Variants in PTPRD observed in about 807,000 individuals in gnomAD.
PTPRD encodes receptor-type tyrosine-protein phosphatase delta.
A neutral mutation model predicts 214.5 loss-of-function variants in PTPRD; 34 were observed. The ratio of observed to expected loss-of-function variants is 0.16; its 90% CI spans 0.12 to 0.21. PTPRD has a LOEUF of 0.21. Among genes scored for constraint, PTPRD ranks in the 10% least tolerant of loss-of-function variants. The pLI is 1.00. For missense variants in PTPRD, 2,545 were observed against 2,398.7 expected (o/e 1.06, Z -1.27); for synonymous variants, 1,128 against 845.7 (o/e 1.33, Z -5.79).
At chr9:10,034,661 T>G (rs1264459328) in intron 3 of PTPRD, among the ~76,000 whole-genome samples, 3 of 152,102 alleles carry the variant, frequency 2.0e-5, no homozygotes, top group Non-Finnish European at 4.4e-5. Context: ...CACTTATAAG[T>G]GAGAACATGC....
intron 7 of PTPRD, among the ~76,000 whole-genome samples, chr9:9,724,592 G>A (rs1295070873): frequency 6.6e-6 from 1 of 152,158 alleles, no homozygotes; most frequent in Non-Finnish European, 1.5e-5. Flanking sequence ...TTAAGTGGAT[G>A]AAAGAAGGTC....
chr9:8,429,348 T>C (rs1001167015), intron 35 of PTPRD, among the ~76,000 whole-genome samples: 2 of 152,192 alleles, frequency 1.3e-5, no homozygotes, highest in African/African-American at 4.8e-5. Context: ...CTCAGTCTTA[T>C]GCTCCTTACC....
intron 10 of PTPRD, among the ~76,000 whole-genome samples, chr9:9,091,419 T>TA (rs1021542547): frequency 1.7e-4 from 26 of 152,234 alleles, no homozygotes; most frequent in Admixed American, 6.5e-5. Context: ...TTTATTCCTT[T>TA]AAAAAATACC....
chr9:10,539,762 C>T (rs746480836), intron 2 of PTPRD, among the ~76,000 whole-genome samples: 29 of 152,096 alleles, frequency 1.9e-4, no homozygotes, highest in Non-Finnish European at 3.7e-4. Flanking sequence ...TTTTCAGATC[C>T]GCTTTGGAGG....
intron 5 of PTPRD, among the ~76,000 whole-genome samples, chr9:9,806,393 A>C (rs1459667458): frequency 1.3e-5 from 2 of 152,100 alleles, no homozygotes; most frequent in Non-Finnish European, 2.9e-5. Flanking sequence ...CCTTTCTGAT[A>C]ATGTACTTTG....
intron 6 of PTPRD, among the ~76,000 whole-genome samples, chr9:9,759,940 C>CAAAT (rs2098636606): frequency 6.6e-6 from 1 of 152,082 alleles, no homozygotes; most frequent in African/African-American, 2.4e-5. Flanking sequence ...TCTATAATTT[C>CAAAT]AAATATATCT....
chr9:9,049,814 A>ATCT (rs1275554045), intron 10 of PTPRD, among the ~76,000 whole-genome samples: 1 of 152,166 alleles, frequency 6.6e-6, no homozygotes, highest in East Asian at 1.9e-4. Context: ...TAAAACAACC[A>ATCT]TCTTATTGTT....
chr9:8,667,816 TTCAGA>T (rs1236147599), intron 12 of PTPRD, among the ~76,000 whole-genome samples: 2 of 152,050 alleles, frequency 1.3e-5, no homozygotes, highest in African/African-American at 4.8e-5. Flanking sequence ...TCCCGATCAT[TTCAGA>T]TAAGAAATAC....
chr9:8,538,532 T>TA (rs562566214), intron 14 of PTPRD, among the ~76,000 whole-genome samples: 4 of 151,206 alleles, frequency 2.6e-5, no homozygotes, highest in Non-Finnish European at 4.4e-5. Flanking sequence ...TCAAATGTTA[T>TA]AAAAAAAAGA....
chr9:8,487,478 C>T (rs2097050462), intron 27 of PTPRD, among the ~76,000 whole-genome samples: 1 of 151,986 alleles, frequency 6.6e-6, no homozygotes, highest in African/African-American at 2.4e-5. Flanking sequence ...GTCTATAATC[C>T]CAGCACTTTG....
chr9:10,104,500 T>C (rs2098604283), intron 3 of PTPRD, among the ~76,000 whole-genome samples: 1 of 151,786 alleles, frequency 6.6e-6, no homozygotes. Context: ...TAAAATTATA[T>C]GCAATATGAT....
chr9:9,947,430 T>C (rs1415243095), intron 4 of PTPRD, among the ~76,000 whole-genome samples: 1 of 32,930 alleles, frequency 3.0e-5, no homozygotes, highest in Non-Finnish European at 4.1e-5. Flanking sequence ...ATATATTATA[T>C]ATATATTATA....
At chr9:8,462,505 G>A (rs1404615584) in intron 32 of PTPRD, among the ~76,000 whole-genome samples, 1 of 151,984 alleles carries the variant, frequency 6.6e-6, no homozygotes, top group Non-Finnish European at 1.5e-5. Flanking sequence ...ACTTAGCATG[G>A]TTCTCAAGGG....
intron 3 of PTPRD, among the ~76,000 whole-genome samples, chr9:10,334,075 T>A (rs2096798959): frequency 6.6e-6 from 1 of 151,698 alleles, no homozygotes; most frequent in South Asian, 2.1e-4. Flanking sequence ...GTATATAAAA[T>A]ATTATGATAT....
intron 2 of PTPRD, among the ~76,000 whole-genome samples, chr9:10,386,615 AT>A (rs2097918170): frequency 6.6e-6 from 1 of 151,198 alleles, no homozygotes; most frequent in Admixed American, 6.6e-5. Context: ...GATAGAAGTC[AT>A]TTTGCTGCCT....
chr9:9,944,400 C>G (rs192545039), intron 4 of PTPRD, among the ~76,000 whole-genome samples: 1 of 140,680 alleles, frequency 7.1e-6, no homozygotes, highest in African/African-American at 2.4e-5. Context: ...AAGGCTGGCA[C>G]TTAAAATACA....
chr9:8,571,428 G>A (rs762459391), intron 14 of PTPRD, among the ~76,000 whole-genome samples: 3 of 152,088 alleles, frequency 2.0e-5, no homozygotes, highest in Non-Finnish European at 4.4e-5. Context: ...ACCAGTAACT[G>A]AGAATTCTAA....
At chr9:10,550,845 T>C (rs2061184949) in intron 2 of PTPRD, among the ~76,000 whole-genome samples, 1 of 152,242 alleles carries the variant, frequency 6.6e-6, no homozygotes, top group Non-Finnish European at 1.5e-5. Flanking sequence ...TTTCTCCACC[T>C]CTACCTCTCT....
chr9:9,082,247 AG>A (rs1313034602), intron 10 of PTPRD, among the ~76,000 whole-genome samples: 2 of 152,122 alleles, frequency 1.3e-5, no homozygotes, highest in African/African-American at 2.4e-5. Flanking sequence ...CACATCAAAA[AG>A]CTTATCCACC....
Sources: allele counts gnomAD v4.1 joint callset (sites outside exome capture counted in the v4.1 genomes callset), GRCh38; gene constraint gnomAD v4.1.1; transcripts MANE v1.5; gene names NCBI Gene and HGNC (gene_info 2026-07-23, HGNC 2026-07-21).